The following MCTP2 variants were observed in gnomAD, a reference collection of about 807,000 sequenced individuals.
MCTP2 encodes the protein multiple C2 and transmembrane domain-containing protein 2.
In MCTP2, 132 loss-of-function variants were observed where a neutral mutation model predicts 111.6. The observed-to-expected ratio is 1.18, with a 90% CI of 1.03 to 1.37. The LOEUF is 1.37. MCTP2 is among the 40% of genes most tolerant of loss of function. The probability of loss-of-function intolerance (pLI) is 0.00; values close to 1 mark genes in which losing one functional copy is unlikely to be tolerated. For synonymous variants in MCTP2, 395 were observed against 387.7 expected (o/e 1.02, Z -0.22); for missense variants, 1,183 against 1,067.9 (o/e 1.11, Z -1.50).
At chr15:94,328,692 A>T (rs2077001343) in intron 4 of MCTP2, among the ~76,000 whole-genome samples, 1 of 151,710 alleles carries the variant, frequency 6.6e-6, no homozygotes, top group Non-Finnish European at 1.5e-5. Context: ...TATTCTTGAG[A>T]CTCTCTCTAT....
chr15:94,337,687 G>GCA (rs2077432873), intron 4 of MCTP2, among the ~76,000 whole-genome samples: 2 of 152,246 alleles, frequency 1.3e-5, no homozygotes, highest in Non-Finnish European at 2.9e-5. Flanking sequence ...GTGTGTGTGC[G>GCA]CGCGCATGCA....
chr15:94,348,804 T>G (rs1467475782), intron 8 of MCTP2, among the ~76,000 whole-genome samples: 1 of 152,018 alleles, frequency 6.6e-6, no homozygotes, highest in Non-Finnish European at 1.5e-5. Context: ...ACAGTTTTTT[T>G]TGTTTGTTGT....
At chr15:94,334,718 T>C (rs1487751518) in intron 4 of MCTP2, among the ~76,000 whole-genome samples, 1 of 152,034 alleles carries the variant, frequency 6.6e-6, no homozygotes, top group Non-Finnish European at 1.5e-5. Context: ...TGAAACTTTT[T>C]TTTTTTCGGT....
At chr15:94,477,279 G>C (rs1190654262) in intron 22 of MCTP2, among the ~76,000 whole-genome samples, 1 of 152,182 alleles carries the variant, frequency 6.6e-6, no homozygotes, top group East Asian at 1.9e-4. Flanking sequence ...GGGATGCTGA[G>C]AATGCAGCCC....
At chr15:94,419,226 C>T in intron 17 of MCTP2, among the ~76,000 whole-genome samples, 1 of 152,104 alleles carries the variant, frequency 6.6e-6, no homozygotes, top group East Asian at 1.9e-4. Flanking sequence ...GAGCCAGACA[C>T]CAAGTCTGAT....
chr15:94,234,195 G>A (rs1371228001), intron 1 of MCTP2, among the ~76,000 whole-genome samples: 2 of 152,154 alleles, frequency 1.3e-5, no homozygotes, highest in Admixed American at 1.3e-4. Flanking sequence ...AAGGAGGAGA[G>A]TATGTAGGGG....
chr15:94,404,425 C>G (rs1169423271), intron 17 of MCTP2, among the ~76,000 whole-genome samples: 1 of 151,690 alleles, frequency 6.6e-6, no homozygotes, highest in Non-Finnish European at 1.5e-5. Context: ...CCTCAGCCTC[C>G]CAAGTAACTG....
chr15:94,337,732 T>C (rs2077437722), intron 4 of MCTP2, among the ~76,000 whole-genome samples: 2 of 152,218 alleles, frequency 1.3e-5, no homozygotes, highest in African/African-American at 4.8e-5. Flanking sequence ...AAATAAAGAC[T>C]GATGGGCTTC....
rs1271974598 is a variant in MCTP2 at position 94,481,770 on chromosome 15, GC to G, written c.*2737del. Reference sequence around the variant, plus strand: ...GTCCTCCACTGAATAGCCCATTACAGCTAGCACCTAATAGTTACTCAGGAAA... The same window carrying G: ...GTCCTCCACTGAATAGCCCATTACAGTAGCACCTAATAGTTACTCAGGAAA... On this transcript the variant is annotated 3_prime_UTR_variant, in exon 23 of 23. Transcript: ENST00000357742. 1 of 152,230 alleles carries G rather than the reference GC, an allele frequency of 6.6e-6. No individual in the cohort carries two copies. The allele number at this position is 152,230 out of a possible 1,614,324, so 9.4% of individuals were successfully genotyped here.
rs371516871 is a variant in MCTP2 at position 94,345,112 on chromosome 15, C to T, written c.970-17C>T. 1.2e-5 allele frequency: 19 copies of T among 1,612,068 alleles called. No homozygotes were observed. The highest frequency in any genetic ancestry group is 1.6e-4 in the Middle Eastern group (1 of 6,068). Reference sequence around the variant, plus strand: ...TTATTTTGCCATTTTCACCATTCCGCGGACACAAATCTTTAGCGTTGGTCA... The same window carrying T: ...TTATTTTGCCATTTTCACCATTCCGTGGACACAAATCTTTAGCGTTGGTCA... On this transcript the variant is annotated splice_polypyrimidine_tract_variant and intron_variant, in intron 7 of 22. Transcript: ENST00000357742.
intron 14 of MCTP2, among the ~76,000 whole-genome samples, chr15:94,387,066 G>C (rs979583852): frequency 6.6e-6 from 1 of 152,036 alleles, no homozygotes; most frequent in African/African-American, 2.4e-5. Flanking sequence ...TTTGTGAAAA[G>C]CATTAGCATA....
chr15:94,354,592 A>G (rs2078508267), intron 8 of MCTP2, among the ~76,000 whole-genome samples: 1 of 152,174 alleles, frequency 6.6e-6, no homozygotes. Flanking sequence ...GAGTCAATTA[A>G]ACCTCTTTCC....
In MCTP2 at chr15:94,367,737, G is replaced by C. The variant is rs751512498; in HGVS notation, c.1434G>C (p.Leu478=). The change falls in exon 11 of 23, where the codon CTG becomes CTC. Residue 478 remains leucine (L), a synonymous_variant. Coordinates refer to ENST00000357742, the MANE Select transcript of MCTP2 (RefSeq NM_001385001.1). ...GTGCGGGGGTCTCCGTCTCTGATCT[G>C]TGTGTCTGCCCCTTAGCAGACCTCA... is the stretch of plus-strand genomic sequence containing the variant. ...TPCAGVSVSD[L]CVCPLADLSE... The C allele has an allele frequency of 6.2e-7, 1 of 1,608,622 alleles. No individual in the cohort carries two copies. The highest frequency in any genetic ancestry group is 2.3e-5 in the East Asian group (1 of 44,302).
chr15:94,400,601 CTTTTTTTTT>C (rs34352208), intron 16 of MCTP2, among the ~76,000 whole-genome samples: 1 of 136,526 alleles, frequency 7.3e-6, no homozygotes, highest in African/African-American at 2.7e-5. Flanking sequence ...GGAAGTTTCA[CTTTTTTTTT>C]TTTTTTTTTC....
At position 94,337,581 on chromosome 15, in the gene MCTP2, G is replaced by A. The variant is rs1191031164; in HGVS notation, c.638-1709G>A. Among the ~76,000 whole-genome samples, 6 of 151,810 alleles carry A rather than the reference G, an allele frequency of 4.0e-5. No individual in the cohort carries two copies. The South Asian group carries it at 1.0e-3, about 26-fold the overall frequency. ...CTGCTGTAGGAGGGAGGGGGTGGGC[G>A]ACTGTACTCTCACTAGTGAGCATTT... On this transcript the variant is annotated intron_variant, in intron 4 of 22. Coordinates refer to ENST00000357742, the MANE Select transcript of MCTP2 (RefSeq NM_001385001.1).
intron 12 of MCTP2, among the ~76,000 whole-genome samples, chr15:94,376,813 T>G (rs2079800278): frequency 6.6e-6 from 1 of 152,210 alleles, no homozygotes; most frequent in South Asian, 2.1e-4. Context: ...AAAAATATGC[T>G]TCATGGTAGA....
At chr15:94,253,492 T>C (rs1339843424) in intron 1 of MCTP2, among the ~76,000 whole-genome samples, 1 of 152,186 alleles carries the variant, frequency 6.6e-6, no homozygotes, top group Admixed American at 6.5e-5. Flanking sequence ...GTCATTCTAG[T>C]TACATTTTTT....
intron 4 of MCTP2, among the ~76,000 whole-genome samples, chr15:94,324,383 G>C (rs1030858909): frequency 6.6e-6 from 1 of 152,228 alleles, no homozygotes; most frequent in African/African-American, 2.4e-5. Flanking sequence ...TGTGGGCTGA[G>C]GGAATACTGT....
At chr15:94,465,314 C>T (rs139239245) in intron 20 of MCTP2, among the ~76,000 whole-genome samples, 370 of 152,172 alleles carry the variant, frequency 2.4e-3, no homozygotes, top group African/African-American at 7.3e-3. Flanking sequence ...TGTCTGAAAT[C>T]ATGGATAGTA....
Sources: allele counts gnomAD v4.1 joint callset (sites outside exome capture counted in the v4.1 genomes callset), GRCh38; gene constraint gnomAD v4.1.1; transcripts MANE v1.5; gene names NCBI Gene and HGNC (gene_info 2026-07-23, HGNC 2026-07-21).